Variants in ALK observed in about 807,000 individuals in gnomAD.
ALK encodes the protein ALK receptor tyrosine kinase.
A neutral mutation model predicts 163.1 loss-of-function variants in ALK; 74 were observed. The ratio of observed to expected loss-of-function variants is 0.45; its 90% confidence interval spans 0.38 to 0.55. ALK has a LOEUF of 0.55. ALK is among the 20% of genes least tolerant of loss of function. The pLI is 0.00. For synonymous variants in ALK, 960 were observed against 843.2 expected (o/e 1.14, Z -2.40); for missense variants, 2,063 against 2,105.3 (o/e 0.98, Z 0.39).
intron 12 of ALK, among the ~76,000 whole-genome samples, chr2:29,240,140 A>G (rs1664485485): frequency 7.2e-6 from 1 of 137,994 alleles, no homozygotes; most frequent in Non-Finnish European, 1.5e-5. Flanking sequence ...GGGGAGAGAG[A>G]GAGGGAAACA....
chr2:29,781,436 T>C (rs1361993943), intron 1 of ALK, among the ~76,000 whole-genome samples: 1 of 152,106 alleles, frequency 6.6e-6, no homozygotes, highest in Non-Finnish European at 1.5e-5. Flanking sequence ...GGGCCTTGCA[T>C]GTCACCAAAA....
At chr2:29,867,591 T>C (rs1327737979) in intron 1 of ALK, among the ~76,000 whole-genome samples, 1 of 152,148 alleles carries the variant, frequency 6.6e-6, no homozygotes, top group Non-Finnish European at 1.5e-5. Context: ...TTTAAATTCC[T>C]TTATGAGGAA....
chr2:29,397,268 C>G (rs7568934), intron 4 of ALK, among the ~76,000 whole-genome samples: 1 of 152,088 alleles, frequency 6.6e-6, no homozygotes, highest in Admixed American at 6.5e-5. Context: ...GAGACAGATA[C>G]ACACACAGGG....
intron 3 of ALK, among the ~76,000 whole-genome samples, chr2:29,662,803 G>C (rs929022363): frequency 2.0e-5 from 3 of 152,066 alleles, no homozygotes; most frequent in African/African-American, 7.2e-5. Context: ...TTCCTCCCAA[G>C]AGAAATTTGT....
chr2:29,447,710 C>T (rs1670721347), intron 4 of ALK, among the ~76,000 whole-genome samples: 1 of 152,198 alleles, frequency 6.6e-6, no homozygotes. Context: ...GGCCGCTTCA[C>T]ACCTCAGGTT....
chr2:29,319,719 G>A (rs1666953465), intron 7 of ALK, among the ~76,000 whole-genome samples: 1 of 152,206 alleles, frequency 6.6e-6, no homozygotes, highest in South Asian at 2.1e-4. Flanking sequence ...ATTTGCTATG[G>A]GTGCTGTAGT....
At chr2:29,487,802 C>T (rs1671812648) in intron 4 of ALK, among the ~76,000 whole-genome samples, 1 of 152,122 alleles carries the variant, frequency 6.6e-6, no homozygotes, top group Admixed American at 6.6e-5. Flanking sequence ...TTTACCGAGA[C>T]AGAACCAAGG....
At chr2:29,827,860 T>G (rs1035167477) in intron 1 of ALK, among the ~76,000 whole-genome samples, 18 of 152,288 alleles carry the variant, frequency 1.2e-4, no homozygotes, top group African/African-American at 2.6e-4. Flanking sequence ...CATTTCCAAG[T>G]CAATCCTAAG....
chr2:29,550,164 C>A (rs1456549252), intron 3 of ALK, among the ~76,000 whole-genome samples: 19 of 152,178 alleles, frequency 1.2e-4, no homozygotes, highest in Admixed American at 1.2e-3. Context: ...TAGTCCCGAG[C>A]AATATGTTAA....
intron 1 of ALK, among the ~76,000 whole-genome samples, chr2:29,793,055 T>C (rs1394819809): frequency 6.6e-6 from 1 of 152,202 alleles, no homozygotes; most frequent in African/African-American, 2.4e-5. Context: ...TCTTTCAAAA[T>C]TGAAGTCAAT....
At chr2:29,396,557 C>A (rs1669308847) in intron 4 of ALK, among the ~76,000 whole-genome samples, 1 of 151,968 alleles carries the variant, frequency 6.6e-6, no homozygotes, top group South Asian at 2.1e-4. Flanking sequence ...GCCTGTAATC[C>A]CAGCTACTCT....
chr2:29,909,480 C>CAGAGAGAGAGAG (rs369360033), intron 1 of ALK, among the ~76,000 whole-genome samples: 1,651 of 135,888 alleles, frequency 0.012, 23 homozygotes, highest in South Asian at 0.021. Flanking sequence ...GACAGACAGA[C>CAGAGAGAGAGAG]AGAGAGAGAG....
intron 3 of ALK, among the ~76,000 whole-genome samples, chr2:29,679,732 G>GA (rs139619353): frequency 0.68 from 102,327 of 151,104 alleles, 36,928 homozygotes; most frequent in Non-Finnish European, 0.8. Context: ...AGAAGAATAA[G>GA]AAAAAGGTTG....
At chr2:29,442,236 T>C (rs1183067803) in intron 4 of ALK, among the ~76,000 whole-genome samples, 1 of 152,178 alleles carries the variant, frequency 6.6e-6, no homozygotes, top group Non-Finnish European at 1.5e-5. Context: ...CTTATGGTAC[T>C]AGGAGATTTG....
chr2:29,811,987 T>A (rs1429389047), intron 1 of ALK, among the ~76,000 whole-genome samples: 1 of 152,140 alleles, frequency 6.6e-6, no homozygotes, highest in African/African-American at 2.4e-5. Context: ...GAAACACACA[T>A]GGCAAAGATG....
intron 4 of ALK, among the ~76,000 whole-genome samples, chr2:29,484,587 T>C (rs557322970): frequency 1.3e-5 from 2 of 152,316 alleles, no homozygotes; most frequent in South Asian, 2.1e-4. Flanking sequence ...CAATGCTTAA[T>C]TGTAATGTTT....
chr2:29,561,920 G>A (rs925106259), intron 3 of ALK, among the ~76,000 whole-genome samples: 2 of 152,112 alleles, frequency 1.3e-5, no homozygotes, highest in Admixed American at 6.5e-5. Context: ...GGTCTAAGTA[G>A]TGATGTTTCA....
At chr2:29,272,020 C>G (rs1282062169) in intron 11 of ALK, among the ~76,000 whole-genome samples, 2 of 152,122 alleles carry the variant, frequency 1.3e-5, no homozygotes, top group African/African-American at 4.8e-5. Flanking sequence ...GGTCCTTGGG[C>G]CCTGGGGGGC....
At chr2:29,196,383 TTAC>T (rs1669023426) in intron 28 of ALK, among the ~76,000 whole-genome samples, 2 of 152,218 alleles carry the variant, frequency 1.3e-5, no homozygotes, top group African/African-American at 4.8e-5. Flanking sequence ...ATGCAATTAA[TTAC>T]TTCACATGTT....
Sources: gnomAD v4.1 joint callset for allele counts (sites outside exome capture counted in the v4.1 genomes callset) on GRCh38, gnomAD v4.1.1 for gene constraint, MANE v1.5 for transcripts, NCBI Gene and HGNC (gene_info 2026-07-23, HGNC 2026-07-21) for gene names.